The following C6orf58 variants were observed in gnomAD, a reference collection of about 807,000 sequenced individuals.
The protein encoded by C6orf58 is protein LEG1 homolog.
Under a neutral mutation model 37.0 loss-of-function variants are expected in C6orf58, and 30 were observed. The observed-to-expected ratio is 0.81, with a 90% CI of 0.61 to 1.10. The LOEUF (loss-of-function observed/expected upper bound fraction) is 1.10. Among genes scored for constraint, C6orf58 ranks in the 50% least tolerant of loss-of-function variants. The probability of loss-of-function intolerance (pLI) is 0.00; values close to 1 mark genes in which losing one functional copy is unlikely to be tolerated. For synonymous variants in C6orf58, 143 were observed against 134.1 expected, an observed-to-expected ratio of 1.07 and a Z score of -0.46; for missense variants, 368 against 387.5, an observed-to-expected ratio of 0.95 and a Z score of 0.42.
Position 127,591,655 on chromosome 6 carries a change from A to G in C6orf58, c.*33A>G, listed in dbSNP as rs780296382. On this transcript the variant is annotated 3_prime_UTR_variant, in exon 6 of 6. Transcript: ENST00000329722. Reference sequence around the variant, plus strand: ...AACTTCAAACTTCAGGAAATGATTAATGAATTAAAAATGAAAAACTCGAAC... The same window carrying G: ...AACTTCAAACTTCAGGAAATGATTAGTGAATTAAAAATGAAAAACTCGAAC... 6.2e-6 allele frequency: 9 copies of G among 1,458,040 alleles called. No homozygotes were observed. The highest frequency in any genetic ancestry group is 9.1e-7 in the Non-Finnish European group (1 of 1,104,446). The allele number at this position is 1,458,040 out of a possible 1,614,324, so 90.3% of individuals were successfully genotyped here.
chr6:127,584,219 A>G (rs62437084), intron 4 of C6orf58, among the ~76,000 whole-genome samples: 2,412 of 152,324 alleles, frequency 0.016, 33 homozygotes, highest in Middle Eastern at 0.051. Flanking sequence ...ATTGAATTAA[A>G]TATGTCTGTA....
chr6:127,586,150 T>G (rs1316098459), intron 4 of C6orf58, among the ~76,000 whole-genome samples: 4 of 152,168 alleles, frequency 2.6e-5, no homozygotes, highest in Non-Finnish European at 4.4e-5. Flanking sequence ...GAATTATACT[T>G]TCTAGAAGCA....
chr6:127,582,014 AT>A (rs1349816005), intron 4 of C6orf58, among the ~76,000 whole-genome samples: 2 of 152,192 alleles, frequency 1.3e-5, no homozygotes, highest in Non-Finnish European at 2.9e-5. Context: ...GCCAAACTTA[AT>A]TTAACAATTC....
chr6:127,579,023 G>A (rs574079949), intron 2 of C6orf58, among the ~76,000 whole-genome samples: 28 of 152,236 alleles, frequency 1.8e-4, no homozygotes, highest in African/African-American at 6.5e-4. Flanking sequence ...AAAAGCAGTG[G>A]CCTCTGAGGG....
At chr6:127,587,332 A>G (rs1775117490) in intron 4 of C6orf58, among the ~76,000 whole-genome samples, 1 of 152,196 alleles carries the variant, frequency 6.6e-6, no homozygotes, top group South Asian at 2.1e-4. Flanking sequence ...ATATTGTGTT[A>G]TGGATAAATT....
intron 3 of C6orf58, among the ~76,000 whole-genome samples, chr6:127,580,661 G>A (rs932587362): frequency 1.2e-4 from 18 of 151,872 alleles, no homozygotes; most frequent in Non-Finnish European, 7.4e-5. Context: ...CATTCTTCTT[G>A]CCTCAAATAC....
chr6:127,585,867 C>T (rs1253371850), intron 4 of C6orf58, among the ~76,000 whole-genome samples: 1 of 152,126 alleles, frequency 6.6e-6, no homozygotes, highest in Admixed American at 6.5e-5. Context: ...TTCCTCTCTT[C>T]TCATTTTGGA....
rs551995413 is a variant in C6orf58, at chr6:127,584,919, T to C, written c.674+3637T>C. 2.6e-5 allele frequency among the ~76,000 whole-genome samples: 4 copies of C among 152,198 alleles called. No individual in the cohort carries two copies. The South Asian group carries it at 8.3e-4, about 31-fold the overall frequency. On this transcript the variant is annotated intron_variant, in intron 4 of 5. Coordinates refer to ENST00000329722, the MANE Select transcript of C6orf58 (RefSeq NM_001010905.3). ...AAACTGCTTATCTAAACAATTTCAG[T>C]TCTGGCTGACATAGCATGAAAATCT...
At chr6:127,587,842 T>C (rs1775122005) in intron 4 of C6orf58, among the ~76,000 whole-genome samples, 1 of 152,222 alleles carries the variant, frequency 6.6e-6, no homozygotes, top group South Asian at 2.1e-4. Context: ...ATATTCAATA[T>C]AAAGTAACTA....
chr6:127,584,173 A>C (rs1176388928), intron 4 of C6orf58, among the ~76,000 whole-genome samples: 1 of 152,212 alleles, frequency 6.6e-6, no homozygotes, highest in Non-Finnish European at 1.5e-5. Flanking sequence ...ATAGAAAAGC[A>C]CTTATAAAAC....
intron 2 of C6orf58, 76 bp downstream of exon 2, chr6:127,578,848 A>G (rs1775017859): frequency 9.4e-7 from 1 of 1,064,782 alleles, no homozygotes; most frequent in Non-Finnish European, 1.4e-6. Context: ...TCTTAGGGAC[A>G]GAGACAGAAC....
chr6:127,586,301 G>A (rs1232832476), intron 4 of C6orf58, among the ~76,000 whole-genome samples: 1 of 152,144 alleles, frequency 6.6e-6, no homozygotes, highest in Admixed American at 6.5e-5. Flanking sequence ...CGCTTCGAAG[G>A]GTGAGGGGAA....
rs1463214635 is a variant in C6orf58, at chr6:127,590,203, A to T, written c.791A>T (p.Lys264Met). ...TTGATTAGATCATATAAGTTCCAGA[A>T]GGGCATGCCACCACGAATTCTTCTT... ...TTLIRSYKFQ[K>M]GMPPRILLNT... Residue 264 changes from lysine (K) to methionine (M), a missense_variant, in exon 5 of 6, where the codon AAG (lysine) becomes ATG (methionine). By Grantham distance (95) the Lys-to-Met change is moderately conservative. Transcript: ENST00000329722. 1 of 1,613,824 alleles carries T rather than the reference A, an allele frequency of 6.2e-7. No homozygotes were observed. Among genetic ancestry groups the T allele is most frequent in the Non-Finnish European group, 8.5e-7 (1 of 1,179,790 alleles).
chr6:127,578,529 A>T (rs964445586), intron 1 of C6orf58, among the ~76,000 whole-genome samples, 157 bp from the exon 2 acceptor site: 1 of 152,160 alleles, frequency 6.6e-6, no homozygotes. Context: ...GAAACTAAAA[A>T]ATAAAAGATA....
chr6:127,579,397 A>C, intron 2 of C6orf58, among the ~76,000 whole-genome samples: 1 of 152,120 alleles, frequency 6.6e-6, no homozygotes, highest in East Asian at 1.9e-4. Flanking sequence ...GGCAACACAC[A>C]TCATATGTAT....
chr6:127,585,096 C>G (rs562126174), intron 4 of C6orf58, among the ~76,000 whole-genome samples: 45 of 152,226 alleles, frequency 3.0e-4, no homozygotes, highest in African/African-American at 1.0e-3. Flanking sequence ...CATAAAATTT[C>G]TGGAACATAT....
intron 2 of C6orf58, among the ~76,000 whole-genome samples, chr6:127,579,687 A>G (rs1775027258): frequency 2.0e-5 from 3 of 152,128 alleles, no homozygotes. Context: ...AAAATTTTTT[A>G]AAATGTGAAA....
intron 1 of C6orf58, 64 bp downstream of exon 1, chr6:127,577,550 T>C (rs897208377): frequency 2.1e-6 from 3 of 1,421,622 alleles, no homozygotes; most frequent in South Asian, 1.2e-5. Flanking sequence ...ATTTGGGAAA[T>C]TGGACTCTGT....
intron 4 of C6orf58, among the ~76,000 whole-genome samples, chr6:127,583,445 A>G (rs1184591459): frequency 6.8e-6 from 1 of 147,730 alleles, no homozygotes; most frequent in Non-Finnish European, 1.5e-5. Context: ...ATGTTGACAG[A>G]GGAGAAAAGA....
Sources: gnomAD v4.1 joint callset for allele counts (sites outside exome capture counted in the v4.1 genomes callset) on GRCh38, gnomAD v4.1.1 for gene constraint, MANE v1.5 for transcripts, NCBI Gene and HGNC (gene_info 2026-07-23, HGNC 2026-07-21) for gene names.